Variants in PTPRT observed in about 807,000 individuals in gnomAD.
PTPRT encodes the protein protein tyrosine phosphatase receptor type T.
Under a neutral mutation model 176.8 loss-of-function variants are expected in PTPRT, and 56 were observed. The observed-to-expected ratio is 0.32, with a 90% CI of 0.26 to 0.40. PTPRT has a LOEUF of 0.40. PTPRT is among the 10% of genes least tolerant of loss of function. The probability of loss-of-function intolerance (pLI) is 1.00; values close to 1 mark genes in which losing one functional copy is unlikely to be tolerated. For synonymous variants in PTPRT, 783 were observed against 739.0 expected (o/e 1.06, Z -0.96); for missense variants, 1,540 against 1,908.2 (o/e 0.81, Z 3.60).
intron 7 of PTPRT, among the ~76,000 whole-genome samples, chr20:42,565,927 C>T (rs1366066196): frequency 6.6e-6 from 1 of 152,032 alleles, no homozygotes. Flanking sequence ...CTCCTACATC[C>T]TCCTTATGGC....
chr20:42,086,753 A>AAAATATATATATATATATATATATAT (rs1983991312), intron 27 of PTPRT, among the ~76,000 whole-genome samples: 2 of 95,534 alleles, frequency 2.1e-5, no homozygotes, highest in African/African-American at 9.8e-5. Context: ...AAAAAAAAAA[A>AAAATATATATATATATATATATATAT]ATATATATAT....
chr20:42,805,085 G>A (rs2077586106), intron 2 of PTPRT, among the ~76,000 whole-genome samples: 1 of 152,174 alleles, frequency 6.6e-6, no homozygotes, highest in Non-Finnish European at 1.5e-5. Context: ...GAGGGTTTCT[G>A]TAGAGATGAC....
At chr20:42,706,119 C>A (rs1181857098) in intron 6 of PTPRT, among the ~76,000 whole-genome samples, 1 of 151,580 alleles carries the variant, frequency 6.6e-6, no homozygotes, top group Non-Finnish European at 1.5e-5. Context: ...TCATGTATGT[C>A]TGTCTGTCTG....
At chr20:42,717,679 G>A (rs894546743) in intron 6 of PTPRT, among the ~76,000 whole-genome samples, 5 of 152,024 alleles carry the variant, frequency 3.3e-5, no homozygotes, top group African/African-American at 9.7e-5. Context: ...AATCAAAACT[G>A]TTATTCATCA....
At chr20:42,616,836 G>T (rs1486497371) in intron 7 of PTPRT, among the ~76,000 whole-genome samples, 3 of 136,830 alleles carry the variant, frequency 2.2e-5, no homozygotes, top group East Asian at 3.9e-4. Context: ...AGGAGATTTT[G>T]GGCTGAGACA....
intron 1 of PTPRT, among the ~76,000 whole-genome samples, chr20:43,149,308 A>G (rs1458797212): frequency 6.6e-6 from 1 of 152,198 alleles, no homozygotes; most frequent in Non-Finnish European, 1.5e-5. Flanking sequence ...TTGTCATGAA[A>G]ATTCAAGTTT....
chr20:42,261,047 C>T (rs1169736057), intron 13 of PTPRT, among the ~76,000 whole-genome samples: 1 of 152,164 alleles, frequency 6.6e-6, no homozygotes, highest in Non-Finnish European at 1.5e-5. Context: ...ATTCATTTTC[C>T]AGGGCTGTTA....
intron 4 of PTPRT, among the ~76,000 whole-genome samples, chr20:42,777,050 C>G (rs1382176941): frequency 1.3e-5 from 2 of 152,044 alleles, no homozygotes; most frequent in Non-Finnish European, 2.9e-5. Flanking sequence ...GAATGGATGT[C>G]TCTCAGTCAC....
chr20:42,094,384 C>T (rs777111758), intron 27 of PTPRT, among the ~76,000 whole-genome samples: 16 of 152,086 alleles, frequency 1.1e-4, no homozygotes, highest in Non-Finnish European at 2.2e-4. Context: ...CAGTTTCTAA[C>T]CTTCTATTGC....
chr20:42,923,097 C>A (rs1208263423), intron 1 of PTPRT, among the ~76,000 whole-genome samples: 3 of 152,172 alleles, frequency 2.0e-5, no homozygotes, highest in Non-Finnish European at 4.4e-5. Context: ...CCCCATCACA[C>A]CTGCTGGTGC....
intron 9 of PTPRT, among the ~76,000 whole-genome samples, chr20:42,384,628 G>A (rs1307318539): frequency 3.9e-5 from 6 of 152,170 alleles, no homozygotes; most frequent in African/African-American, 1.2e-4. Flanking sequence ...ATATCCAGAA[G>A]TGAGATTGCT....
intron 7 of PTPRT, among the ~76,000 whole-genome samples, chr20:42,568,136 T>C (rs902138983): frequency 6.6e-6 from 1 of 151,932 alleles, no homozygotes; most frequent in Non-Finnish European, 1.5e-5. Context: ...GCCCGGCTAA[T>C]TTTTGTATTT....
In PTPRT at chr20:42,874,456, G is replaced by A. The variant is rs190793763; in HGVS notation, c.214+11351C>T. ...TCCTCTCCTCAAAAAAAAAGTTTTC[G>A]GGCAACTTTAATAAATACAATTTTA... is the stretch of plus-strand genomic sequence containing the variant. On this transcript the variant is annotated intron_variant, in intron 2 of 30. Transcript: ENST00000373187. Among the ~76,000 whole-genome samples the A allele has an allele frequency of 4.6e-5, 7 of 152,120 alleles. No homozygotes were observed. In the East Asian group the frequency reaches 7.7e-4, roughly 17 times the overall value.
chr20:42,575,873 C>T (rs2073250558), intron 7 of PTPRT, among the ~76,000 whole-genome samples: 1 of 152,138 alleles, frequency 6.6e-6, no homozygotes, highest in Non-Finnish European at 1.5e-5. Flanking sequence ...ACCCCAGCAG[C>T]TCCCTCCCCG....
chr20:42,431,818 G>C (rs572709692), intron 9 of PTPRT, among the ~76,000 whole-genome samples: 1 of 152,256 alleles, frequency 6.6e-6, no homozygotes, highest in African/African-American at 2.4e-5. Context: ...AGACTCTCTA[G>C]ATGACTTGCT....
At chr20:42,614,027 A>G (rs746725388) in intron 7 of PTPRT, among the ~76,000 whole-genome samples, 24 of 151,790 alleles carry the variant, frequency 1.6e-4, no homozygotes, top group African/African-American at 5.1e-4. Context: ...TTATCATCCT[A>G]TTGTTCTAGA....
intron 7 of PTPRT, among the ~76,000 whole-genome samples, chr20:42,575,858 A>C (rs2145704943): frequency 6.6e-6 from 1 of 152,212 alleles, no homozygotes; most frequent in African/African-American, 2.4e-5. Flanking sequence ...TCTGTTGCCT[A>C]GATGACCCCA....
intron 27 of PTPRT, among the ~76,000 whole-genome samples, chr20:42,095,974 C>G (rs73907099): frequency 0.015 from 2,309 of 152,218 alleles, 56 homozygotes; most frequent in African/African-American, 0.052. Flanking sequence ...TCATATTTTC[C>G]CCAGTTATAT....
chr20:43,007,425 C>G (rs77495667), intron 1 of PTPRT, among the ~76,000 whole-genome samples: 1,624 of 152,234 alleles, frequency 0.011, 39 homozygotes, highest in African/African-American at 0.036. Context: ...TGCCTTCATG[C>G]GTTATTTATC....
Sources: allele counts gnomAD v4.1 joint callset (sites outside exome capture counted in the v4.1 genomes callset), GRCh38; gene constraint gnomAD v4.1.1; transcripts MANE v1.5; gene names NCBI Gene and HGNC (gene_info 2026-07-23, HGNC 2026-07-21).